Variants in DAGLA observed in about 807,000 individuals in gnomAD.
DAGLA encodes diacylglycerol lipase alpha, also known as diacylglycerol lipase-alpha.
DAGLA carries 22 observed loss-of-function variants against 102.6 expected under a neutral mutation model. The ratio of observed to expected loss-of-function variants is 0.21; its 90% confidence interval spans 0.15 to 0.31. The LOEUF (loss-of-function observed/expected upper bound fraction) is 0.31. DAGLA is among the 10% of genes least tolerant of loss of function. DAGLA has a pLI of 1.00. For synonymous variants in DAGLA, 578 were observed against 628.9 expected (o/e 0.92, Z 1.21); for missense variants, 927 against 1,446.6 (o/e 0.64, Z 5.83).
Position 61,726,067 on chromosome 11 carries a change from G to A in DAGLA, c.621G>A (p.Thr207=), listed in dbSNP as rs745595097. 4.3e-6 allele frequency: 7 copies of A among 1,612,360 alleles called. No individual in the cohort carries two copies. Among genetic ancestry groups the A allele is most frequent in the African/African-American group, 1.3e-5 (1 of 74,928 alleles). ...AAGTGTTCCTCTGCTGCACGCGGACGAAGGACTCCCAGTCAGTAAGTACTG... is the reference window on the plus strand; with the variant it reads ...AAGTGTTCCTCTGCTGCACGCGGACAAAGGACTCCCAGTCAGTAAGTACTG... ...RLKVFLCCTR[T]KDSQSDAYSE... The change falls in exon 6 of 20, where the codon ACG becomes ACA. Residue 207 remains threonine, a synonymous_variant. Coordinates refer to ENST00000257215, the MANE Select transcript of DAGLA (RefSeq NM_006133.3).
At chr11:61,692,277 G>T (rs933828144) in intron 1 of DAGLA, among the ~76,000 whole-genome samples, 3 of 152,106 alleles carry the variant, frequency 2.0e-5, no homozygotes, top group Non-Finnish European at 2.9e-5. Flanking sequence ...CATCAGAATC[G>T]CTGGGAGGGG....
At position 61,737,232 on chromosome 11, in the gene DAGLA, C is replaced by T. The variant is rs767670534; in HGVS notation, c.1422C>T (p.Gly474=). 10 of 1,613,410 alleles carry T rather than the reference C, an allele frequency of 6.2e-6. No individual in the cohort carries two copies. Among genetic ancestry groups the T allele is most frequent in the East Asian group, 2.2e-5 (1 of 44,884 alleles). ...YGLIVVGHSL[G]AGTAAILSFL... The stretch of plus-strand genomic sequence containing the variant: ...TGATTGTGGTGGGCCACTCCCTGGG[C>T]GCGGGCACTGCTGCCATCCTCTCCT... Residue 474 remains glycine, a synonymous_variant, in exon 14 of 20, where the codon GGC becomes GGT. Coordinates refer to ENST00000257215, the MANE Select transcript of DAGLA (RefSeq NM_006133.3).
At position 61,744,671 on chromosome 11, in the gene DAGLA, A is replaced by G; in HGVS notation, c.*182A>G. On this transcript the variant is annotated 3_prime_UTR_variant, in exon 20 of 20. Transcript: ENST00000257215. ...ACCTCAGCTTAGGACCCCCAGAGCC[A>G]AGGTGGCTGGGATCTGGCCCCACAG... 4 of 573,070 alleles carry G rather than the reference A, an allele frequency of 7.0e-6. No homozygotes were observed. Among genetic ancestry groups the G allele is most frequent in the Non-Finnish European group, 1.2e-5 (4 of 330,510 alleles). 35.5% of individuals were successfully genotyped at this position (573,070 alleles called of 1,614,324 possible). A position where few individuals can be genotyped will look rare whatever the true frequency, so the allele number is the denominator to read the frequency against.
chr11:61,715,637 G>A (rs1282392642), intron 1 of DAGLA, among the ~76,000 whole-genome samples: 2 of 152,224 alleles, frequency 1.3e-5, no homozygotes, highest in Non-Finnish European at 2.9e-5. Context: ...CATGGTGGGG[G>A]CAGGCTCCTC....
chr11:61,736,224 C>A lies in DAGLA; in HGVS notation c.1291-46C>A. On this transcript the variant is annotated intron_variant, in intron 12 of 19. Transcript: ENST00000257215. Reference sequence around the variant, plus strand: ...CAGGTCACTGTGGGTTTGCTGGTCACTGGGAGGCCTCCCACCAACACCTGC... The same window carrying A: ...CAGGTCACTGTGGGTTTGCTGGTCAATGGGAGGCCTCCCACCAACACCTGC... 5 of 1,535,388 alleles carry A rather than the reference C, an allele frequency of 3.3e-6. No homozygotes were observed. The South Asian group carries it at 4.5e-5, about 14-fold the overall frequency.
At chr11:61,691,096 C>G (rs541869643) in intron 1 of DAGLA, among the ~76,000 whole-genome samples, 6 of 152,270 alleles carry the variant, frequency 3.9e-5, no homozygotes, top group Non-Finnish European at 8.8e-5. Flanking sequence ...CTCGGGGCAC[C>G]TGAGCAGCTG....
chr11:61,737,085 T>C (rs2065429265), intron 13 of DAGLA, 97 bp from the exon 14 acceptor site: 3 of 1,535,810 alleles, frequency 2.0e-6, no homozygotes, highest in Non-Finnish European at 1.8e-6. Flanking sequence ...CCCAGGACTC[T>C]GGGAAGATGG....
intron 1 of DAGLA, among the ~76,000 whole-genome samples, chr11:61,704,320 A>G (rs570915598): frequency 1.3e-5 from 2 of 152,160 alleles, no homozygotes; most frequent in East Asian, 1.9e-4. Flanking sequence ...GGGTTTCACC[A>G]TGTTGGCCAG....
At chr11:61,728,648 G>A (rs976543016) in intron 7 of DAGLA, among the ~76,000 whole-genome samples, 1 of 152,162 alleles carries the variant, frequency 6.6e-6, no homozygotes, top group African/African-American at 2.4e-5. Context: ...ACCAACCCCA[G>A]TTAGGGTTTC....
In DAGLA at chr11:61,694,616, C is replaced by T. The variant is rs576963457; in HGVS notation, c.-45+14112C>T. On this transcript the variant is annotated intron_variant, in intron 1 of 19. Coordinates refer to ENST00000257215, the MANE Select transcript of DAGLA (RefSeq NM_006133.3). ...GGCCAAAGCTGCCTTTATTCAAGTG[C>T]CCCCTGCCAGGCTTTGTGTCTGATA... is the stretch of plus-strand genomic sequence containing the variant. Among the ~76,000 whole-genome samples the T allele has an allele frequency of 3.3e-5, 5 of 152,322 alleles. No homozygotes were observed. In the South Asian group the frequency reaches 1.0e-3, roughly 32 times the overall value.
At chr11:61,694,850 C>G (rs938714393) in intron 1 of DAGLA, among the ~76,000 whole-genome samples, 21 of 152,022 alleles carry the variant, frequency 1.4e-4, no homozygotes, top group Non-Finnish European at 2.6e-4. Flanking sequence ...TACCCACTTC[C>G]CTGCCTGGGA....
chr11:61,715,940 A>G (rs1199069627), intron 1 of DAGLA, among the ~76,000 whole-genome samples: 1 of 152,108 alleles, frequency 6.6e-6, no homozygotes, highest in Non-Finnish European at 1.5e-5. Flanking sequence ...TCATCTAGCC[A>G]GAGGGGGGGG....
At chr11:61,715,089 C>T (rs975856554) in intron 1 of DAGLA, among the ~76,000 whole-genome samples, 1 of 152,190 alleles carries the variant, frequency 6.6e-6, no homozygotes, top group African/African-American at 2.4e-5. Flanking sequence ...CAAGGTCACA[C>T]AGCCAGTAAG....
intron 1 of DAGLA, among the ~76,000 whole-genome samples, chr11:61,695,120 G>T (rs927394627): frequency 1.3e-5 from 2 of 152,188 alleles, no homozygotes; most frequent in African/African-American, 4.8e-5. Flanking sequence ...GGCAGGGTTG[G>T]GAGCTAAAGT....
In DAGLA at chr11:61,744,220, A is replaced by C. The variant is rs2065514017; in HGVS notation, c.2860A>C (p.Ser954Arg). The C allele has an allele frequency of 1.2e-6, 2 of 1,613,022 alleles. No individual in the cohort carries two copies. Among genetic ancestry groups the C allele is most frequent in the Non-Finnish European group, 1.7e-6 (2 of 1,179,968 alleles). ...CTACGCTGAGGGCCCCAAGTCCCCC[A>C]GCCAGCAAGAGATCCTGCTCCGTGC... ...SDYAEGPKSP[S>R]QQEILLRAQF... is the part of the protein sequence containing the mutation. Residue 954 changes from serine (S) to arginine (R), a missense_variant, in exon 20 of 20, where the codon AGC becomes CGC. Coordinates refer to ENST00000257215, the MANE Select transcript of DAGLA (RefSeq NM_006133.3).
chr11:61,724,082 G>A (rs1036345551), intron 5 of DAGLA, among the ~76,000 whole-genome samples: 3 of 152,132 alleles, frequency 2.0e-5, no homozygotes, highest in African/African-American at 4.8e-5. Context: ...TAGAGTCCTC[G>A]CTTAACTAGC....
In DAGLA at chr11:61,743,512, GCTCTCC is replaced by G; in HGVS notation, c.2172-19_2172-14del. ...CTCCCTTCTGAGTCTTATACCCCCT[GCTCTCC>G]TCTCCCTCTGCAGGAGCAAGTCCCA... On this transcript the variant is annotated splice_polypyrimidine_tract_variant and intron_variant, in intron 19 of 19. Coordinates refer to ENST00000257215, the MANE Select transcript of DAGLA (RefSeq NM_006133.3). The G allele has an allele frequency of 6.7e-7, 1 of 1,501,062 alleles. No individual in the cohort carries two copies. The highest frequency in any genetic ancestry group is 8.8e-7 in the Non-Finnish European group (1 of 1,131,318). 93.0% of individuals were successfully genotyped at this position (1,501,062 alleles called of 1,614,324 possible). A position where few individuals can be genotyped will look rare whatever the true frequency, so the allele number is the denominator to read the frequency against.
intron 17 of DAGLA, among the ~76,000 whole-genome samples, 156 bp downstream of exon 17, chr11:61,739,817 G>A (rs191554451): frequency 1.4e-4 from 22 of 152,270 alleles, no homozygotes; most frequent in Admixed American, 1.3e-3. Flanking sequence ...CCCCAGCATC[G>A]GGCTCTGGAA....
chr11:61,735,777 C>T lies in DAGLA; in HGVS notation c.1251C>T (p.Leu417=), dbSNP rs140615029. The change falls in exon 12 of 20, where the codon CTC becomes CTT. Residue 417 remains leucine, a synonymous_variant. Coordinates refer to ENST00000257215, the MANE Select transcript of DAGLA (RefSeq NM_006133.3). ...ACCTGACGGGTGATGCTGAGCGCCTCCCCGTGGAGGGGCACCACGGCACCT... is the reference window on the plus strand; with the variant it reads ...ACCTGACGGGTGATGCTGAGCGCCTTCCCGTGGAGGGGCACCACGGCACCT... ...LTDLTGDAER[L]PVEGHHGTWL... The T allele has an allele frequency of 9.1e-5, 147 of 1,613,088 alleles. No homozygotes were observed. Among genetic ancestry groups the T allele is most frequent in the Non-Finnish European group, 1.2e-4 (140 of 1,179,698 alleles).
Sources: gnomAD v4.1 joint callset for allele counts (sites outside exome capture counted in the v4.1 genomes callset) on GRCh38, gnomAD v4.1.1 for gene constraint, MANE v1.5 for transcripts, NCBI Gene and HGNC (gene_info 2026-07-23, HGNC 2026-07-21) for gene names.